TMEM263: variants seen among roughly 807,000 people sequenced by gnomAD.
TMEM263 encodes the protein UPF0444 transmembrane protein C12orf23.
Under a neutral mutation model 8.6 loss-of-function variants are expected in TMEM263, and 5 were observed. The observed-to-expected ratio is 0.58, with a 90% confidence interval of 0.31 to 1.23. The LOEUF is 1.23. TMEM263 is among the 50% of genes most tolerant of loss of function. TMEM263 has a pLI of 0.07. For missense variants in TMEM263, 104 were observed against 138.8 expected (o/e 0.75, Z 1.26); for synonymous variants, 50 against 47.9 (o/e 1.04, Z -0.18).
At chr12:106,956,545 C>T (rs1951694439) in intron 1 of TMEM263, among the ~76,000 whole-genome samples, 1 of 152,172 alleles carries the variant, frequency 6.6e-6, no homozygotes, top group African/African-American at 2.4e-5. Flanking sequence ...GGTAGGAAGG[C>T]TGTATCTCCA....
In TMEM263 at chr12:106,971,491, C is replaced by T. The variant is rs1951921608; in HGVS notation, c.*100C>T. The T allele has an allele frequency of 8.3e-7, 1 of 1,206,878 alleles. No individual in the cohort carries two copies. Among genetic ancestry groups the T allele is most frequent in the Non-Finnish European group, 1.1e-6 (1 of 874,978 alleles). 74.8% of individuals were successfully genotyped at this position (1,206,878 alleles called of 1,614,324 possible). A position where few individuals can be genotyped will look rare whatever the true frequency, so the allele number is the denominator to read the frequency against. ...CAAGTCAACTGTTTTGGACGTTTAT[C>T]TTCTAAACTGCTGTGTTGAAAGTAT... On this transcript the variant is annotated 3_prime_UTR_variant, in exon 4 of 4. Transcript: ENST00000280756.
intron 3 of TMEM263, among the ~76,000 whole-genome samples, chr12:106,968,024 A>G (rs1314655503): frequency 6.6e-6 from 1 of 152,174 alleles, no homozygotes; most frequent in African/African-American, 2.4e-5. Flanking sequence ...CCTTGGAAAC[A>G]CACCTGAATG....
At chr12:106,958,419 G>A (rs938213846) in intron 2 of TMEM263, among the ~76,000 whole-genome samples, 8 of 152,116 alleles carry the variant, frequency 5.3e-5, no homozygotes, top group African/African-American at 1.9e-4. Flanking sequence ...TCTATTATTG[G>A]AATAAATTAC....
At position 106,971,495 on chromosome 12, in the gene TMEM263, T is replaced by A; in HGVS notation, c.*104T>A. 1 of 1,171,206 alleles carries A rather than the reference T, an allele frequency of 8.5e-7. No individual in the cohort carries two copies. 72.6% of individuals were successfully genotyped at this position (1,171,206 alleles called of 1,614,324 possible). On this transcript the variant is annotated 3_prime_UTR_variant, in exon 4 of 4. Coordinates refer to ENST00000280756, the MANE Select transcript of TMEM263 (RefSeq NM_152261.4). ...TCAACTGTTTTGGACGTTTATCTTC[T>A]AAACTGCTGTGTTGAAAGTATTGAT...
chr12:106,958,754 A>G (rs1328927308), intron 2 of TMEM263, among the ~76,000 whole-genome samples: 2 of 152,218 alleles, frequency 1.3e-5, no homozygotes, highest in Non-Finnish European at 2.9e-5. Flanking sequence ...TGTCATTACT[A>G]CTTTCCTTAG....
intron 2 of TMEM263, among the ~76,000 whole-genome samples, chr12:106,958,076 T>C (rs1285970763): frequency 2.6e-5 from 4 of 152,202 alleles, no homozygotes; most frequent in Non-Finnish European, 5.9e-5. Flanking sequence ...TTCTTTTAGG[T>C]AGAATATGTA....
At chr12:106,959,793 G>T (rs185336482) in intron 2 of TMEM263, among the ~76,000 whole-genome samples, 1 of 152,068 alleles carries the variant, frequency 6.6e-6, no homozygotes, top group East Asian at 1.9e-4. Flanking sequence ...ACTTTGGAAT[G>T]GTTTATGTGA....
chr12:106,957,582 A>G (rs1351518840), intron 2 of TMEM263, among the ~76,000 whole-genome samples: 1 of 152,158 alleles, frequency 6.6e-6, no homozygotes, highest in African/African-American at 2.4e-5. Flanking sequence ...AGACCTTTGT[A>G]TGCTTGTTCA....
intron 3 of TMEM263, among the ~76,000 whole-genome samples, chr12:106,968,315 G>T (rs956050154): frequency 2.0e-5 from 3 of 151,918 alleles, no homozygotes; most frequent in Admixed American, 6.6e-5. Flanking sequence ...ATCGGAGATT[G>T]CAGTGAGCTA....
Position 106,973,759 on chromosome 12 carries a change from A to T in TMEM263, c.*2368A>T, listed in dbSNP as rs1951961329. ...CAAGTCAAGAAACTAAGGTTGTTGT[A>T]TACACCTGGAGGCATCTGTTATTCA... On this transcript the variant is annotated 3_prime_UTR_variant, in exon 4 of 4. Coordinates refer to ENST00000280756, the MANE Select transcript of TMEM263 (RefSeq NM_152261.4). The T allele has an allele frequency of 2.0e-5, 3 of 152,640 alleles. No homozygotes were observed. The South Asian group carries it at 6.2e-4, about 32-fold the overall frequency. The allele number at this position is 152,640 out of a possible 1,614,324, so 9.5% of individuals were successfully genotyped here. A position where few individuals can be genotyped will look rare whatever the true frequency, so the allele number is the denominator to read the frequency against.
Position 106,972,347 on chromosome 12 carries a change from TA to T in TMEM263, c.*961del, listed in dbSNP as rs1353856398. 2 of 152,146 alleles carry T rather than the reference TA, an allele frequency of 1.3e-5. No homozygotes were observed. The highest frequency in any genetic ancestry group is 2.9e-5 in the Non-Finnish European group (2 of 67,990). 9.4% of individuals were successfully genotyped at this position (152,146 alleles called of 1,614,324 possible). ...AAAATTACCTAAAACACCCCAAATA[TA>T]AAAAGAAGCCTTCACACCTATTCTG... On this transcript the variant is annotated 3_prime_UTR_variant, in exon 4 of 4. Transcript: ENST00000280756.
intron 3 of TMEM263, among the ~76,000 whole-genome samples, chr12:106,968,307 C>T (rs1000338077): frequency 1.3e-5 from 2 of 151,386 alleles, no homozygotes; most frequent in Non-Finnish European, 1.5e-5. Context: ...AAAGAACTAT[C>T]GGAGATTGCA....
At position 106,972,881 on chromosome 12, in the gene TMEM263, T is replaced by C. The variant is rs1951943418; in HGVS notation, c.*1490T>C. On this transcript the variant is annotated 3_prime_UTR_variant, in exon 4 of 4. Transcript: ENST00000280756. ...CCACCTTTTTTTTTTTTTTTTTTTA[T>C]AGTGGAGGGGAGGAAAGGGGGGTGA... 1 of 133,490 alleles carries C rather than the reference T, an allele frequency of 7.5e-6. No individual in the cohort carries two copies. Among genetic ancestry groups the C allele is most frequent in the East Asian group, 2.2e-4 (1 of 4,548 alleles). The allele number at this position is 133,490 out of a possible 1,614,324, so 8.3% of individuals were successfully genotyped here.
At chr12:106,959,621 G>T (rs1951742612) in intron 2 of TMEM263, among the ~76,000 whole-genome samples, 1 of 152,126 alleles carries the variant, frequency 6.6e-6, no homozygotes. Flanking sequence ...TTAGATTGGG[G>T]TCTATTTATC....
intron 2 of TMEM263, among the ~76,000 whole-genome samples, chr12:106,961,224 A>ATTTTTTTTTTTTTTTTTT (rs554707654): frequency 1.3e-5 from 1 of 75,116 alleles, no homozygotes; most frequent in African/African-American, 6.1e-5. Flanking sequence ...TGCCCAGTCA[A>ATTTTTTTTTTTTTTTTTT]TTTTTTTTTT....
At chr12:106,960,541 A>G (rs1593463271) in intron 2 of TMEM263, among the ~76,000 whole-genome samples, 1 of 152,122 alleles carries the variant, frequency 6.6e-6, no homozygotes, top group Admixed American at 6.5e-5. Context: ...ATATAATAAT[A>G]TCTAGCTTTT....
At position 106,958,360 on chromosome 12, in the gene TMEM263, T is replaced by G. The variant is rs1379752153; in HGVS notation, c.-7+1211T>G. ...TATTACTGAAACCCACAAACAAGAT[T>G]GATTCATCAAAGAAAACACGTTTCC... is the stretch of plus-strand genomic sequence containing the variant. On this transcript the variant is annotated intron_variant, in intron 2 of 3. Transcript: ENST00000280756. Among the ~76,000 whole-genome samples, 10 of 152,342 alleles carry G rather than the reference T, an allele frequency of 6.6e-5. No homozygotes were observed. The East Asian group carries it at 1.9e-3, about 29-fold the overall frequency.
chr12:106,969,622 A>G (rs1951891919), intron 3 of TMEM263, among the ~76,000 whole-genome samples: 1 of 151,660 alleles, frequency 6.6e-6, no homozygotes, highest in African/African-American at 2.4e-5. Flanking sequence ...GCTACTCAGG[A>G]GGCTGAGGCA....
At chr12:106,961,680 G>C (rs974042392) in intron 2 of TMEM263, among the ~76,000 whole-genome samples, 3 of 152,216 alleles carry the variant, frequency 2.0e-5, no homozygotes, top group Middle Eastern at 6.8e-3. Flanking sequence ...AATATTTGGG[G>C]GAAACAAGAC....
Sources: gnomAD v4.1 joint callset for allele counts (sites outside exome capture counted in the v4.1 genomes callset) on GRCh38, gnomAD v4.1.1 for gene constraint, MANE v1.5 for transcripts, NCBI Gene and HGNC (gene_info 2026-07-23, HGNC 2026-07-21) for gene names.